Variants in QTMAN observed in about 807,000 individuals in gnomAD.
QTMAN encodes queuosine-tRNA mannosyltransferase.
chr2:144,007,869 C>A, the QTMAN span, among the ~76,000 whole-genome samples: 1 of 152,016 alleles, frequency 6.6e-6, no homozygotes, highest in Admixed American at 6.6e-5. Flanking sequence ...TTCCAATCAC[C>A]ACATGGCCCA....
chr2:144,113,221 A>C, the QTMAN span, among the ~76,000 whole-genome samples: 3 of 152,320 alleles, frequency 2.0e-5, no homozygotes, highest in African/African-American at 4.8e-5. Flanking sequence ...AAACAAGTGA[A>C]ACAGAAAGTT....
chr2:144,103,224 T>G, the QTMAN span, among the ~76,000 whole-genome samples: 2 of 152,232 alleles, frequency 1.3e-5, no homozygotes, highest in Non-Finnish European at 2.9e-5. Context: ...ACTAGTGTAT[T>G]AGATAACTGG....
chr2:143,947,233 C>A, the QTMAN span: 1 of 840,996 alleles, frequency 1.2e-6, no homozygotes, highest in Admixed American at 2.1e-5. Flanking sequence ...ATTTGCATCA[C>A]TTACGTCAAT....
chr2:144,050,794 C>T, the QTMAN span, among the ~76,000 whole-genome samples: 15 of 152,036 alleles, frequency 9.9e-5, 1 homozygote, highest in Non-Finnish European at 8.8e-5. Context: ...CACACACACA[C>T]ACACACACAT....
At chr2:144,244,296 A>G in the QTMAN span, among the ~76,000 whole-genome samples, 1 of 152,192 alleles carries the variant, frequency 6.6e-6, no homozygotes, top group African/African-American at 2.4e-5. Context: ...AGGGAAGATG[A>G]GCAACTAATT....
chr2:144,321,059 T>C, the QTMAN span, among the ~76,000 whole-genome samples: 1 of 152,168 alleles, frequency 6.6e-6, no homozygotes, highest in African/African-American at 2.4e-5. Flanking sequence ...ACTTAAAACA[T>C]CTCTTATGTT....
chr2:144,013,202 C>T, the QTMAN span, among the ~76,000 whole-genome samples: 1 of 152,156 alleles, frequency 6.6e-6, no homozygotes, highest in Admixed American at 6.6e-5. Flanking sequence ...CATTCATTAA[C>T]TCATTCATTC....
chr2:143,938,978 CTCTT>C, the QTMAN span: 2 of 152,242 alleles, frequency 1.3e-5, no homozygotes, highest in African/African-American at 2.4e-5. Flanking sequence ...GCAGACAACA[CTCTT>C]TCTCACCTTC....
At chr2:143,952,078 A>AG in the QTMAN span, 1 of 1,555,098 alleles carries the variant, frequency 6.4e-7, no homozygotes. Context: ...ATTCAGCTGC[A>AG]GGAAAAACAG....
the QTMAN span, among the ~76,000 whole-genome samples, chr2:143,964,724 C>G: frequency 6.6e-6 from 1 of 152,016 alleles, no homozygotes; most frequent in Non-Finnish European, 1.5e-5. Flanking sequence ...AGAAATATGC[C>G]AAGATCATAG....
the QTMAN span, among the ~76,000 whole-genome samples, chr2:144,331,259 T>C: frequency 6.6e-6 from 1 of 152,136 alleles, no homozygotes. Flanking sequence ...GGTATGTGGG[T>C]TCCTACATGA....
At chr2:143,972,559 C>T in the QTMAN span, among the ~76,000 whole-genome samples, 31 of 152,014 alleles carry the variant, frequency 2.0e-4, no homozygotes, top group Admixed American at 2.6e-4. Flanking sequence ...TGAATATTTT[C>T]AAAGCAGCAG....
chr2:144,073,408 C>A, the QTMAN span, among the ~76,000 whole-genome samples: 4 of 152,048 alleles, frequency 2.6e-5, no homozygotes, highest in Admixed American at 2.6e-4. Flanking sequence ...CAAGTCATAT[C>A]ATGACAAGAA....
chr2:143,986,232 T>C, the QTMAN span, among the ~76,000 whole-genome samples: 4,596 of 152,280 alleles, frequency 0.03, 224 homozygotes, highest in African/African-American at 0.1. Context: ...TTATTTAAAA[T>C]GTAAAAATTC....
chr2:144,244,930 C>A, the QTMAN span, among the ~76,000 whole-genome samples: 1 of 152,144 alleles, frequency 6.6e-6, no homozygotes, highest in Admixed American at 6.5e-5. Flanking sequence ...AAGAGATACA[C>A]AAAGCAAAGA....
At chr2:144,320,529 T>A in the QTMAN span, among the ~76,000 whole-genome samples, 9 of 152,162 alleles carry the variant, frequency 5.9e-5, no homozygotes, top group Non-Finnish European at 1.3e-4. Context: ...GGGGTTAATA[T>A]TGACTTTGGG....
At chr2:143,962,308 G>T in the QTMAN span, among the ~76,000 whole-genome samples, 1 of 152,082 alleles carries the variant, frequency 6.6e-6, no homozygotes, top group Non-Finnish European at 1.5e-5. Context: ...TGTCTACATG[G>T]GGAGGAAGAA....
chr2:144,321,228 A>G, the QTMAN span, among the ~76,000 whole-genome samples: 1 of 152,178 alleles, frequency 6.6e-6, no homozygotes, highest in African/African-American at 2.4e-5. Flanking sequence ...GGGATGCCCA[A>G]GATATCTGTG....
chr2:144,036,608 T>A, the QTMAN span, among the ~76,000 whole-genome samples: 6 of 152,174 alleles, frequency 3.9e-5, no homozygotes, highest in Non-Finnish European at 8.8e-5. Context: ...TTTATTTTTT[T>A]AAAAAGAAGG....
Sources: allele counts gnomAD v4.1 joint callset (sites outside exome capture counted in the v4.1 genomes callset), GRCh38; gene constraint gnomAD v4.1.1; transcripts MANE v1.5; gene names NCBI Gene and HGNC (gene_info 2026-07-23, HGNC 2026-07-21).